Variants in ZFP64 observed in about 807,000 individuals in gnomAD.
ZFP64 encodes ZFP64 zinc finger protein, also known as zinc finger protein 64.
A neutral mutation model predicts 51.6 loss-of-function variants in ZFP64; 14 were observed. The ratio of observed to expected loss-of-function variants is 0.27; its 90% CI spans 0.18 to 0.42. The LOEUF is 0.42. Among genes scored for constraint, ZFP64 ranks in the 10% least tolerant of loss-of-function variants. ZFP64 has a pLI of 1.00. For synonymous variants in ZFP64, 375 were observed against 361.4 expected, an observed-to-expected ratio of 1.04 and a Z score of -0.43; for missense variants, 754 against 906.8, an observed-to-expected ratio of 0.83 and a Z score of 2.16.
At position 52,127,242 on chromosome 20, in the gene ZFP64, G is replaced by C. The variant is rs375014272; in HGVS notation, c.764-28655C>G. ...TGGGATTACAGTTGTGAGCCACCAC[G>C]CCTGGCCCAGAATTTTTTTTTTAAA... On this transcript the variant is annotated intron_variant, in intron 5 of 8. Transcript: ENST00000361387. 3.3e-5 allele frequency among the ~76,000 whole-genome samples: 5 copies of C among 151,606 alleles called. No individual in the cohort carries two copies. The East Asian group carries it at 5.8e-4, about 18-fold the overall frequency.
chr20:52,191,604 C>G lies in ZFP64; in HGVS notation c.33G>C (p.Ala11=), dbSNP rs761006771. 2.5e-6 allele frequency: 4 copies of G among 1,590,288 alleles called. No individual in the cohort carries two copies. Among genetic ancestry groups the G allele is most frequent in the East Asian group, 2.3e-5 (1 of 42,992 alleles). The change falls in exon 1 of 6, where the codon GCG becomes GCC. Residue 11 remains alanine (A), a synonymous_variant. Transcript: ENST00000216923. The surrounding 1 kb of genome is among the most constrained non-coding windows in gnomAD (Gnocchi z 4.3). Reference sequence around the variant, plus strand: ...AAAAGCACTTACTTTGCACCGAGCCCGCGAAGCTCTCGCCCTCGCTGCTCG... The same window carrying G: ...AAAAGCACTTACTTTGCACCGAGCCGGCGAAGCTCTCGCCCTCGCTGCTCG... MNASSEGESF[A]GSVQIPGGTT... is the part of the protein sequence containing the mutation.
At chr20:52,101,707 C>G (rs2079052350) in intron 5 of ZFP64, among the ~76,000 whole-genome samples, 1 of 152,034 alleles carries the variant, frequency 6.6e-6, no homozygotes, top group Non-Finnish European at 1.5e-5. Flanking sequence ...CCACACCTGA[C>G]CTCAGGGCCT....
At position 52,177,285 on chromosome 20, in the gene ZFP64, C is replaced by A. The variant is rs895373517; in HGVS notation, c.286+9547G>T. Among the ~76,000 whole-genome samples, 14 of 152,244 alleles carry A rather than the reference C, an allele frequency of 9.2e-5. No individual in the cohort carries two copies. The East Asian group carries it at 2.5e-3, about 27-fold the overall frequency. ...TTTGCACAGCAGCATTTGAGAACTG[C>A]CACTCTAGTCCCTTTAACGAGGCAG... On this transcript the variant is annotated intron_variant, in intron 2 of 5. Coordinates refer to ENST00000216923, the MANE Select transcript of ZFP64 (RefSeq NM_018197.3).
chr20:52,186,162 AT>A (rs1204871021), intron 2 of ZFP64, among the ~76,000 whole-genome samples: 19 of 152,308 alleles, frequency 1.2e-4, no homozygotes, highest in African/African-American at 4.6e-4. Flanking sequence ...TCCCTACAGG[AT>A]CCAGTACTAT....
intron 5 of ZFP64, among the ~76,000 whole-genome samples, chr20:52,145,537 C>T (rs948354354): frequency 2.0e-5 from 3 of 152,082 alleles, no homozygotes; most frequent in African/African-American, 7.2e-5. Flanking sequence ...ACTTGGGAGG[C>T]TGAGGTGGGA....
At chr20:52,101,785 G>A (rs993407864) in intron 5 of ZFP64, among the ~76,000 whole-genome samples, 9 of 151,756 alleles carry the variant, frequency 5.9e-5, no homozygotes, top group African/African-American at 1.7e-4. Context: ...CTCAAAGGGT[G>A]GTCCCTAGAG....
At chr20:52,111,113 G>A (rs1190886020) in intron 5 of ZFP64, 1 of 830,140 alleles carries the variant, frequency 1.2e-6, no homozygotes, top group Non-Finnish European at 2.0e-6. Context: ...GACGCGGAGC[G>A]GGGCACGGCG....
At position 52,151,515 on chromosome 20, in the gene ZFP64, A is replaced by C; in HGVS notation, c.*631T>G. ...ACACAAATGTAATAAGATGGACAGA[A>C]ACCTTTATTAGAGTTGGAAAATCAA... On this transcript the variant is annotated 3_prime_UTR_variant, in exon 6 of 6. Coordinates refer to ENST00000216923, the MANE Select transcript of ZFP64 (RefSeq NM_018197.3). 1.0e-6 allele frequency: 1 copy of C among 985,626 alleles called. No homozygotes were observed. 61.1% of individuals were successfully genotyped at this position (985,626 alleles called of 1,614,324 possible).
chr20:52,191,757 T>C lies in ZFP64; in HGVS notation c.-121A>G. ...CCCCCACCCTGCCTTCTCCCAACTC[T>C]GCGAGGCGGGGAGGACGGATGTAAA... On this transcript the variant is annotated 5_prime_UTR_variant, in exon 1 of 6. Transcript: ENST00000216923. The surrounding 1 kb of genome is among the most constrained non-coding windows in gnomAD (Gnocchi z 4.3). 8.1e-7 allele frequency: 1 copy of C among 1,240,302 alleles called. No individual in the cohort carries two copies. Among genetic ancestry groups the C allele is most frequent in the Non-Finnish European group, 1.1e-6 (1 of 938,896 alleles). The allele number at this position is 1,240,302 out of a possible 1,614,324, so 76.8% of individuals were successfully genotyped here. A position where few individuals can be genotyped will look rare whatever the true frequency, so the allele number is the denominator to read the frequency against.
At chr20:52,187,159 A>C in intron 1 of ZFP64, 88 bp from the exon 2 acceptor site, 1 of 1,428,582 alleles carries the variant, frequency 7.0e-7, no homozygotes, top group South Asian at 1.3e-5. Context: ...AAGAAAAGGC[A>C]TGGTGGCAGA....
chr20:52,134,148 C>T (rs1490614982), intron 5 of ZFP64, among the ~76,000 whole-genome samples: 3 of 151,838 alleles, frequency 2.0e-5, no homozygotes, highest in East Asian at 1.9e-4. Flanking sequence ...AATTGAGGAT[C>T]CCTCCGCTCC....
downstream of ZFP64, among the ~76,000 whole-genome samples, chr20:52,150,248 C>T (rs1394420109): frequency 6.6e-6 from 1 of 150,382 alleles, no homozygotes; most frequent in African/African-American, 2.4e-5. Flanking sequence ...AAAATGGTTA[C>T]AATCTGTATA....
intron 5 of ZFP64, among the ~76,000 whole-genome samples, chr20:52,127,241 C>T (rs6091450): frequency 1.3e-5 from 2 of 151,536 alleles, no homozygotes; most frequent in South Asian, 2.1e-4. Flanking sequence ...TGAGCCACCA[C>T]GCCTGGCCCA....
At chr20:52,086,259 CTG>C (rs2078862702) in intron 8 of ZFP64, among the ~76,000 whole-genome samples, 1 of 152,180 alleles carries the variant, frequency 6.6e-6, no homozygotes, top group East Asian at 1.9e-4. Context: ...GAGCCAAACA[CTG>C]CACCAGGATT....
In ZFP64 at chr20:52,151,728, G is replaced by T; in HGVS notation, c.*418C>A. The stretch of plus-strand genomic sequence containing the variant: ...AAATTACAATTTATTATGGGGCCAG[G>T]GGGATTCACAACCATCCTTAAAAAC... On this transcript the variant is annotated 3_prime_UTR_variant, in exon 6 of 6. Transcript: ENST00000216923. 1 of 1,009,540 alleles carries T rather than the reference G, an allele frequency of 9.9e-7. No homozygotes were observed. The highest frequency in any genetic ancestry group is 4.2e-5 in the South Asian group (1 of 23,932). The allele number at this position is 1,009,540 out of a possible 1,614,324, so 62.5% of individuals were successfully genotyped here. A position where few individuals can be genotyped will look rare whatever the true frequency, so the allele number is the denominator to read the frequency against.
At chr20:52,108,884 A>G (rs928169934) in intron 5 of ZFP64, among the ~76,000 whole-genome samples, 86 of 151,660 alleles carry the variant, frequency 5.7e-4, no homozygotes, top group Non-Finnish European at 1.1e-3. Context: ...ACACACACAC[A>G]CACACACACA....
chr20:52,181,952 C>A (rs370725149), intron 2 of ZFP64, among the ~76,000 whole-genome samples: 4 of 152,150 alleles, frequency 2.6e-5, no homozygotes, highest in African/African-American at 9.7e-5. Flanking sequence ...GAGGCAGGAA[C>A]CATCAGGAGG....
At chr20:52,128,379 A>T (rs1979547746) in intron 5 of ZFP64, among the ~76,000 whole-genome samples, 1 of 152,204 alleles carries the variant, frequency 6.6e-6, no homozygotes, top group African/African-American at 2.4e-5. Flanking sequence ...CACCCACCAT[A>T]ATGTCAATGG....
intron 5 of ZFP64, chr20:52,105,142 C>CGCCACCTGCGGG: frequency 7.0e-7 from 1 of 1,433,774 alleles, no homozygotes; most frequent in South Asian, 1.6e-5. Context: ...CCGGCTCCCC[C>CGCCACCTGCGGG]GCCACCTGCG....
Sources: gnomAD v4.1 joint callset for allele counts (sites outside exome capture counted in the v4.1 genomes callset) on GRCh38, gnomAD v4.1.1 for gene constraint, Gnocchi (gnomAD v3.1) non-coding constraint, MANE v1.5 for transcripts, NCBI Gene and HGNC (gene_info 2026-07-23, HGNC 2026-07-21) for gene names.